CADM4: variants seen among roughly 807,000 people sequenced by gnomAD.
CADM4 encodes cell adhesion molecule 4.
A neutral mutation model predicts 43.9 loss-of-function variants in CADM4; 13 were observed. The observed-to-expected ratio is 0.30, with a 90% CI of 0.19 to 0.47. CADM4 has a LOEUF of 0.47. CADM4 is among the 20% of genes least tolerant of loss of function. CADM4 has a pLI of 1.00. For synonymous variants in CADM4, 209 were observed against 220.9 expected, an observed-to-expected ratio of 0.95 and a Z score of 0.48; for missense variants, 420 against 527.0, an observed-to-expected ratio of 0.80 and a Z score of 1.99.
Position 43,625,830 on chromosome 19 carries a change from A to G in CADM4, c.755+81T>C. On this transcript the variant is annotated intron_variant, in intron 6 of 8. Transcript: ENST00000222374. This position sits in a 1 kb window ranked among gnomAD's most constrained non-coding sequence, Gnocchi z 4.5. ...CTCAGCTCTCTCCTCCTTAGGACCCAGGAGTCCAAGTCCCTGGTCCCTGTT... is the reference window on the plus strand; with the variant it reads ...CTCAGCTCTCTCCTCCTTAGGACCCGGGAGTCCAAGTCCCTGGTCCCTGTT... 1 of 1,190,708 alleles carries G rather than the reference A, an allele frequency of 8.4e-7. No individual in the cohort carries two copies. The highest frequency in any genetic ancestry group is 1.2e-6 in the Non-Finnish European group (1 of 807,642). 73.8% of individuals were successfully genotyped at this position (1,190,708 alleles called of 1,614,324 possible). A position where few individuals can be genotyped will look rare whatever the true frequency, so the allele number is the denominator to read the frequency against.
Position 43,623,098 on chromosome 19 carries a change from AC to A in CADM4, c.*231del. On this transcript the variant is annotated 3_prime_UTR_variant, in exon 9 of 9. Transcript: ENST00000222374. This position sits in a 1 kb window ranked among gnomAD's most constrained non-coding sequence, Gnocchi z 4.4. ...CCCTCACTGGACTTGGGGGGTCTGGACCTTTGGCCCCTGCCCCCTGGGGGAC... is the reference window on the plus strand; with the variant it reads ...CCCTCACTGGACTTGGGGGGTCTGGACTTTGGCCCCTGCCCCCTGGGGGAC... The A allele has an allele frequency of 1.9e-6, 1 of 514,754 alleles. No individual in the cohort carries two copies. Among genetic ancestry groups the A allele is most frequent in the South Asian group, 2.2e-5 (1 of 44,498 alleles). 31.9% of individuals were successfully genotyped at this position (514,754 alleles called of 1,614,324 possible). A position where few individuals can be genotyped will look rare whatever the true frequency, so the allele number is the denominator to read the frequency against.
chr19:43,627,583 G>A lies in CADM4; in HGVS notation c.211+61C>T. The A allele has an allele frequency of 6.4e-7, 1 of 1,555,096 alleles. No individual in the cohort carries two copies. Among genetic ancestry groups the A allele is most frequent in the Non-Finnish European group, 8.8e-7 (1 of 1,138,350 alleles). Reference sequence around the variant, plus strand: ...CAGGTGTGTCCTCTTTCAGGACATGGGAGCCTGGGCCCCAGCCCTCTCTTC... The same window carrying A: ...CAGGTGTGTCCTCTTTCAGGACATGAGAGCCTGGGCCCCAGCCCTCTCTTC... On this transcript the variant is annotated intron_variant, in intron 2 of 8. Transcript: ENST00000222374. This position sits in a 1 kb window ranked among gnomAD's most constrained non-coding sequence, Gnocchi z 4.0.
At position 43,625,029 on chromosome 19, in the gene CADM4, C is replaced by CCCA; in HGVS notation, c.928+48_928+49insTGG. ...CCTCTTTGCTCAAGCCCCGCCCCCG[C>CCCA]CACCTGGCGCCCCGCCCCCGCCCTC... is the stretch of plus-strand genomic sequence containing the variant. On this transcript the variant is annotated intron_variant, in intron 7 of 8. Transcript: ENST00000222374. The surrounding 1 kb of genome is among the most constrained non-coding windows in gnomAD (Gnocchi z 4.5). 8.2e-7 allele frequency: 1 copy of CCCA among 1,215,500 alleles called. No individual in the cohort carries two copies. Among genetic ancestry groups the CCCA allele is most frequent in the Non-Finnish European group, 1.1e-6 (1 of 895,702 alleles). 75.3% of individuals were successfully genotyped at this position (1,215,500 alleles called of 1,614,324 possible).
Position 43,627,426 on chromosome 19 carries a change from A to G in CADM4, c.212-108T>C, listed in dbSNP as rs1973548067. ...AGCCCTCTGCCTCTTTTCTCCAGCC[A>G]TATCTATGAGTCTGAGGTGTCCAAC... On this transcript the variant is annotated intron_variant, in intron 2 of 8. Coordinates refer to ENST00000222374, the MANE Select transcript of CADM4 (RefSeq NM_145296.2). This position sits in a 1 kb window ranked among gnomAD's most constrained non-coding sequence, Gnocchi z 4.0. The G allele has an allele frequency of 1.5e-6, 2 of 1,362,014 alleles. No individual in the cohort carries two copies. The highest frequency in any genetic ancestry group is 2.0e-6 in the Non-Finnish European group (2 of 1,016,398). The allele number at this position is 1,362,014 out of a possible 1,614,324, so 84.4% of individuals were successfully genotyped here. A position where few individuals can be genotyped will look rare whatever the true frequency, so the allele number is the denominator to read the frequency against.
upstream of CADM4, among the ~76,000 whole-genome samples, chr19:43,640,983 C>T (rs1226354823): frequency 2.8e-5 from 4 of 144,826 alleles, no homozygotes; most frequent in African/African-American, 1.0e-4. Flanking sequence ...CCCCCCTCCC[C>T]GCCCAGACGG....
Position 43,624,252 on chromosome 19 carries a change from G to A in CADM4, c.929-10C>T, listed in dbSNP as rs776133412. ...ACCACCGCACCAGGGTCTGCCAGAG[G>A]GACACGGCACAGGACCAGGTCATCA... is the stretch of plus-strand genomic sequence containing the variant. On this transcript the variant is annotated splice_polypyrimidine_tract_variant and intron_variant, in intron 7 of 8. Transcript: ENST00000222374. 2 of 1,614,118 alleles carry A rather than the reference G, an allele frequency of 1.2e-6. No individual in the cohort carries two copies. Among genetic ancestry groups the A allele is most frequent in the Admixed American group, 1.7e-5 (1 of 60,008 alleles).
chr19:43,627,185 A>C lies in CADM4; in HGVS notation c.345T>G (p.Ile115Met). The change falls in exon 3 of 9, where the codon ATT becomes ATG. Residue 115 changes from isoleucine to methionine, a missense_variant. By Grantham distance (10) the Ile-to-Met change is conservative. Transcript: ENST00000222374. This position sits in a 1 kb window ranked among gnomAD's most constrained non-coding sequence, Gnocchi z 4.0. ...CGTTACCTAGTACCGTGAGCGTGGC[A>C]ATCTGGTGGTGGGTGTCTTCTGTGT... ...QLYTEDTHHQ[I>M]ATLTVLVAPE... 6.2e-7 allele frequency: 1 copy of C among 1,601,988 alleles called. No homozygotes were observed. The highest frequency in any genetic ancestry group is 1.1e-5 in the South Asian group (1 of 89,794).
intron 1 of CADM4, among the ~76,000 whole-genome samples, chr19:43,632,793 G>C (rs1973645949): frequency 6.6e-6 from 1 of 151,978 alleles, no homozygotes; most frequent in Admixed American, 6.6e-5. Flanking sequence ...TCTTTTAAGA[G>C]ACAAAGTCAG....
At position 43,625,821 on chromosome 19, in the gene CADM4, T is replaced by C. The variant is rs1354404107; in HGVS notation, c.755+90A>G. The C allele has an allele frequency of 3.6e-6, 4 of 1,109,064 alleles. No individual in the cohort carries two copies. The highest frequency in any genetic ancestry group is 5.4e-6 in the Non-Finnish European group (4 of 740,556). 68.7% of individuals were successfully genotyped at this position (1,109,064 alleles called of 1,614,324 possible). On this transcript the variant is annotated intron_variant, in intron 6 of 8. Coordinates refer to ENST00000222374, the MANE Select transcript of CADM4 (RefSeq NM_145296.2). This position sits in a 1 kb window ranked among gnomAD's most constrained non-coding sequence, Gnocchi z 4.5. ...GTCCAGGTCCTCAGCTCTCTCCTCC[T>C]TAGGACCCAGGAGTCCAAGTCCCTG...
chr19:43,623,442 GA>G lies in CADM4; in HGVS notation c.1058-4del. The G allele has an allele frequency of 6.2e-7, 1 of 1,608,512 alleles. No individual in the cohort carries two copies. Among genetic ancestry groups the G allele is most frequent in the Non-Finnish European group, 8.5e-7 (1 of 1,175,400 alleles). Reference sequence around the variant, plus strand: ...GGCTTCGTGGGTCAGATAGGAACCTGAGGGGGTGACAGACCCCCGGGGCAGG... The same window carrying G: ...GGCTTCGTGGGTCAGATAGGAACCTGGGGGGTGACAGACCCCCGGGGCAGG... On this transcript the variant is annotated splice_region_variant and splice_polypyrimidine_tract_variant and intron_variant, in intron 8 of 8. Coordinates refer to ENST00000222374, the MANE Select transcript of CADM4 (RefSeq NM_145296.2). This position sits in a 1 kb window ranked among gnomAD's most constrained non-coding sequence, Gnocchi z 4.4.
At position 43,627,921 on chromosome 19, in the gene CADM4, A is replaced by G. The variant is rs1397864711; in HGVS notation, c.65-131T>C. 1 of 900,394 alleles carries G rather than the reference A, an allele frequency of 1.1e-6. No individual in the cohort carries two copies. 55.8% of individuals were successfully genotyped at this position (900,394 alleles called of 1,614,324 possible). A position where few individuals can be genotyped will look rare whatever the true frequency, so the allele number is the denominator to read the frequency against. On this transcript the variant is annotated intron_variant, in intron 1 of 8. Coordinates refer to ENST00000222374, the MANE Select transcript of CADM4 (RefSeq NM_145296.2). This position sits in a 1 kb window ranked among gnomAD's most constrained non-coding sequence, Gnocchi z 4.0. Reference sequence around the variant, plus strand: ...CCTCATTCATTCCATTGCACTGAACATTTCCTGCAGGCTAGAGTCCAGGAC... The same window carrying G: ...CCTCATTCATTCCATTGCACTGAACGTTTCCTGCAGGCTAGAGTCCAGGAC...
chr19:43,628,733 C>T (rs1973571933), intron 1 of CADM4, among the ~76,000 whole-genome samples: 1 of 152,208 alleles, frequency 6.6e-6, no homozygotes, highest in Admixed American at 6.5e-5. Flanking sequence ...GTAGCTTCCA[C>T]TCCTGCCCTA....
intron 8 of CADM4, 54 bp downstream of exon 8, chr19:43,624,060 C>G (rs1335554466): frequency 5.0e-6 from 8 of 1,603,086 alleles, no homozygotes; most frequent in Non-Finnish European, 6.8e-6. Context: ...GGCCCCGCCT[C>G]TTTCCGAGCC....
rs148888521 is a variant in CADM4, at chr19:43,623,423, G to A, written c.1074C>T (p.His358=). The stretch of plus-strand genomic sequence containing the variant: ...CCTGTTCATCCAAGCCACTGGCTTC[G>A]TGGGTCAGATAGGAACCTGAGGGGG... The part of the protein sequence containing the change: ...SVRQKGSYLT[H]EASGLDEQGE... The change falls in exon 9 of 9, where the codon CAC becomes CAT. Residue 358 remains histidine (H), a synonymous_variant. Transcript: ENST00000222374. This position sits in a 1 kb window ranked among gnomAD's most constrained non-coding sequence, Gnocchi z 4.4. 1.6e-4 allele frequency: 264 copies of A among 1,613,838 alleles called. No individual in the cohort carries two copies. The highest frequency in any genetic ancestry group is 2.0e-4 in the Non-Finnish European group (241 of 1,179,884).
rs893329737 is a variant in CADM4 at position 43,627,807 on chromosome 19, A to G, written c.65-17T>C. ...GTCCTGCCCCTGGACGATTAGACAA[A>G]GAGACAGGATAGAAGACTTACTGAG... On this transcript the variant is annotated splice_polypyrimidine_tract_variant and intron_variant, in intron 1 of 8. Transcript: ENST00000222374. This position sits in a 1 kb window ranked among gnomAD's most constrained non-coding sequence, Gnocchi z 4.0. The G allele has an allele frequency of 2.5e-6, 4 of 1,600,610 alleles. No homozygotes were observed. In the African/African-American group the frequency reaches 5.4e-5, roughly 21 times the overall value.
Position 43,625,078 on chromosome 19 carries a change from C to A in CADM4, c.928G>T (p.Asp310Tyr). Residue 310 changes from aspartate (D) to tyrosine (Y), a missense_variant and splice_region_variant, in exon 7 of 9, where the codon GAC becomes TAC. Coordinates refer to ENST00000222374, the MANE Select transcript of CADM4 (RefSeq NM_145296.2). The surrounding 1 kb of genome is among the most constrained non-coding windows in gnomAD (Gnocchi z 4.5). Reference sequence around the variant, plus strand: ...TCAGTCGGCCGCAGCCTGCTCTCACCGTAGACCACAAGTACGTAGAGCGCC... The same window carrying A: ...TCAGTCGGCCGCAGCCTGCTCTCACAGTAGACCACAAGTACGTAGAGCGCC... ...ARALYVLVVY[D>Y]PGAVVEAQTS... 6.2e-7 allele frequency: 1 copy of A among 1,602,022 alleles called. No homozygotes were observed. The highest frequency in any genetic ancestry group is 1.7e-5 in the Admixed American group (1 of 58,846).
rs956600695 is a variant in CADM4, at chr19:43,623,845, T to G, written c.1057+269A>C. On this transcript the variant is annotated intron_variant, in intron 8 of 8. Transcript: ENST00000222374. The surrounding 1 kb of genome is among the most constrained non-coding windows in gnomAD (Gnocchi z 4.4). Reference sequence around the variant, plus strand: ...ACCTCCTAGCTTCTCAAGTGCTTTATCCGCCTTGGCCTCCCAACGTGCTGG... The same window carrying G: ...ACCTCCTAGCTTCTCAAGTGCTTTAGCCGCCTTGGCCTCCCAACGTGCTGG... 6.6e-6 allele frequency among the ~76,000 whole-genome samples: 1 copy of G among 152,226 alleles called. No individual in the cohort carries two copies. Among genetic ancestry groups the G allele is most frequent in the Non-Finnish European group, 1.5e-5 (1 of 68,036 alleles).
In CADM4 at chr19:43,625,048, C is replaced by T. The variant is rs1433786706; in HGVS notation, c.928+30G>A. The T allele has an allele frequency of 1.4e-6, 2 of 1,460,202 alleles. No individual in the cohort carries two copies. Among genetic ancestry groups the T allele is most frequent in the Admixed American group, 2.5e-5 (1 of 39,502 alleles). 90.5% of individuals were successfully genotyped at this position (1,460,202 alleles called of 1,614,324 possible). On this transcript the variant is annotated intron_variant, in intron 7 of 8. Coordinates refer to ENST00000222374, the MANE Select transcript of CADM4 (RefSeq NM_145296.2). The surrounding 1 kb of genome is among the most constrained non-coding windows in gnomAD (Gnocchi z 4.5). ...CCCCCGCCACCTGGCGCCCCGCCCCCGCCCTCAGTCGGCCGCAGCCTGCTC... is the reference window on the plus strand; with the variant it reads ...CCCCCGCCACCTGGCGCCCCGCCCCTGCCCTCAGTCGGCCGCAGCCTGCTC...
chr19:43,628,357 C>G (rs903378320), intron 1 of CADM4, among the ~76,000 whole-genome samples: 2 of 151,718 alleles, frequency 1.3e-5, no homozygotes, highest in Non-Finnish European at 2.9e-5. Flanking sequence ...ATCGCTTGAA[C>G]CCGGGAGTTG....
Sources: allele counts gnomAD v4.1 joint callset (sites outside exome capture counted in the v4.1 genomes callset), GRCh38; gene constraint gnomAD v4.1.1; non-coding constraint Gnocchi (gnomAD v3.1); transcripts MANE v1.5; gene names NCBI Gene and HGNC (gene_info 2026-07-23, HGNC 2026-07-21).